The following LRRC4C variants were observed in gnomAD, a reference collection of about 807,000 sequenced individuals.
The protein encoded by LRRC4C is leucine rich repeat containing 4C, also known as leucine-rich repeat-containing protein 4C.
In LRRC4C, 5 loss-of-function variants were observed where a neutral mutation model predicts 33.6. That is an observed-to-expected ratio of 0.15 (90% confidence interval 0.08 to 0.31). The LOEUF is 0.31. Ranked by LOEUF, LRRC4C falls within the 10% of genes least tolerant of loss-of-function variation. The pLI is 1.00. For missense variants in LRRC4C, 560 were observed against 796.7 expected (o/e 0.70, Z 3.58); for synonymous variants, 329 against 302.0 (o/e 1.09, Z -0.93).
chr11:40,589,843 A>G (rs1207820568), intron 3 of LRRC4C, among the ~76,000 whole-genome samples: 1 of 149,256 alleles, frequency 6.7e-6, no homozygotes, highest in African/African-American at 2.5e-5. Flanking sequence ...CTGCCGAGAG[A>G]TCCGCTGTTA....
intron 4 of LRRC4C, among the ~76,000 whole-genome samples, chr11:40,259,068 A>G (rs1361711760): frequency 6.6e-6 from 1 of 152,204 alleles, no homozygotes; most frequent in Non-Finnish European, 1.5e-5. Context: ...GAGGTAGTCA[A>G]GACAAAGTAT....
At chr11:40,802,753 T>C (rs1169419482) in intron 2 of LRRC4C, among the ~76,000 whole-genome samples, 1 of 152,044 alleles carries the variant, frequency 6.6e-6, no homozygotes, top group Non-Finnish European at 1.5e-5. Context: ...ATAATAGGAG[T>C]TGCCAAAACT....
Position 40,331,733 on chromosome 11 carries a change from A to T in LRRC4C, c.-269-12012T>A, listed in dbSNP as rs150843276. 5.2e-3 allele frequency among the ~76,000 whole-genome samples: 793 copies of T among 152,266 alleles called. 5 individuals are homozygous for T. The highest frequency in any genetic ancestry group is 0.018 in the African/African-American group (755 of 41,558). On this transcript the variant is annotated intron_variant, in intron 3 of 6. Transcript: ENST00000528697. ...TCTTCTCCTGCCGTCAGATATCAGA[A>T]CTTCTGGTTCATGGACCTTCAAACA... is the stretch of plus-strand genomic sequence containing the variant.
intron 4 of LRRC4C, among the ~76,000 whole-genome samples, chr11:40,317,186 T>A (rs891423010): frequency 1.0e-5 from 1 of 95,522 alleles, no homozygotes; most frequent in African/African-American, 3.0e-5. Context: ...GGGTATTTTG[T>A]TTTTTTTTTT....
chr11:40,596,375 C>T (rs570563791), intron 3 of LRRC4C, among the ~76,000 whole-genome samples: 1 of 152,104 alleles, frequency 6.6e-6, no homozygotes, highest in East Asian at 1.9e-4. Context: ...TTGGTACAGG[C>T]ACAGAATATA....
At chr11:40,146,950 G>A (rs1003216470) in intron 5 of LRRC4C, among the ~76,000 whole-genome samples, 1 of 152,156 alleles carries the variant, frequency 6.6e-6, no homozygotes, top group African/African-American at 2.4e-5. Flanking sequence ...ATCAAATTAA[G>A]TCATTGCTTT....
chr11:40,200,028 T>G (rs867877087), intron 5 of LRRC4C, among the ~76,000 whole-genome samples: 5 of 151,758 alleles, frequency 3.3e-5, no homozygotes, highest in Non-Finnish European at 2.9e-5. Flanking sequence ...GCTGTCTCAG[T>G]GATCCCTGCT....
intron 3 of LRRC4C, among the ~76,000 whole-genome samples, chr11:40,388,212 C>G (rs748050418): frequency 2.6e-5 from 4 of 152,016 alleles, no homozygotes; most frequent in African/African-American, 9.7e-5. Flanking sequence ...AGATGAGGCC[C>G]GGATAAGATG....
chr11:41,360,873 T>C (rs1317345244), intron 1 of LRRC4C, among the ~76,000 whole-genome samples: 1 of 152,218 alleles, frequency 6.6e-6, no homozygotes, highest in Non-Finnish European at 1.5e-5. Flanking sequence ...AAATTTTATT[T>C]ACTCATGATG....
At chr11:41,284,690 A>G (rs968697231) in intron 1 of LRRC4C, among the ~76,000 whole-genome samples, 24 of 152,186 alleles carry the variant, frequency 1.6e-4, no homozygotes, top group Admixed American at 3.9e-4. Flanking sequence ...TCAATCAGTC[A>G]ATAAAGAAGA....
intron 4 of LRRC4C, among the ~76,000 whole-genome samples, chr11:40,244,180 T>A (rs1174371846): frequency 6.6e-6 from 1 of 152,108 alleles, no homozygotes; most frequent in Non-Finnish European, 1.5e-5. Flanking sequence ...GTGCTGAGTA[T>A]AATACAGCAA....
intron 5 of LRRC4C, among the ~76,000 whole-genome samples, chr11:40,231,402 A>G (rs1372218038): frequency 6.6e-6 from 1 of 152,194 alleles, no homozygotes; most frequent in Non-Finnish European, 1.5e-5. Flanking sequence ...TATAGTGTAT[A>G]GATATCCATA....
intron 1 of LRRC4C, among the ~76,000 whole-genome samples, chr11:41,265,441 C>A (rs571538612): frequency 2.0e-5 from 3 of 151,942 alleles, no homozygotes; most frequent in Non-Finnish European, 4.4e-5. Context: ...GAATAGGGGA[C>A]CTTAAGTCAA....
At chr11:41,441,930 G>A (rs1203249924) in intron 1 of LRRC4C, among the ~76,000 whole-genome samples, 1 of 151,928 alleles carries the variant, frequency 6.6e-6, no homozygotes, top group African/African-American at 2.4e-5. Context: ...CATAAATTTA[G>A]GAAGGTTTAA....
At chr11:41,214,782 T>C (rs1183973169) in intron 1 of LRRC4C, among the ~76,000 whole-genome samples, 11 of 139,384 alleles carry the variant, frequency 7.9e-5, no homozygotes, top group African/African-American at 2.5e-4. Flanking sequence ...TATACACACA[T>C]ATATATATGT....
chr11:40,646,302 A>G (rs778668329), intron 3 of LRRC4C, among the ~76,000 whole-genome samples: 4 of 152,222 alleles, frequency 2.6e-5, no homozygotes, highest in Non-Finnish European at 4.4e-5. Flanking sequence ...ATAGACATTC[A>G]GGGAGAAGTA....
At chr11:41,045,590 G>A (rs1590343017) in intron 1 of LRRC4C, among the ~76,000 whole-genome samples, 1 of 152,194 alleles carries the variant, frequency 6.6e-6, no homozygotes, top group East Asian at 1.9e-4. Context: ...GAACATATGA[G>A]ATAAGGTCCG....
intron 4 of LRRC4C, among the ~76,000 whole-genome samples, chr11:40,256,826 G>T (rs1431356099): frequency 6.6e-6 from 1 of 152,114 alleles, no homozygotes; most frequent in Non-Finnish European, 1.5e-5. Context: ...AGGTACTCTG[G>T]CAGAAGGCAG....
chr11:41,129,633 T>C (rs549741387), intron 1 of LRRC4C, among the ~76,000 whole-genome samples: 2 of 151,968 alleles, frequency 1.3e-5, no homozygotes, highest in African/African-American at 4.8e-5. Flanking sequence ...CTGCCATTAA[T>C]AAAATCACCT....
Sources: allele counts gnomAD v4.1 joint callset (sites outside exome capture counted in the v4.1 genomes callset), GRCh38; gene constraint gnomAD v4.1.1; transcripts MANE v1.5; gene names NCBI Gene and HGNC (gene_info 2026-07-23, HGNC 2026-07-21).